Variants in TDRD5 observed in about 807,000 individuals in gnomAD.
The protein encoded by TDRD5 is tudor domain-containing protein 5.
Under a neutral mutation model 120.6 loss-of-function variants are expected in TDRD5, and 41 were observed. The observed-to-expected ratio is 0.34, with a 90% CI of 0.26 to 0.44. The LOEUF (loss-of-function observed/expected upper bound fraction) is 0.44, where lower values mean the gene tolerates loss of function less well. TDRD5 is among the 20% of genes least tolerant of loss of function. TDRD5 has a pLI of 1.00. For missense variants in TDRD5, 1,006 were observed against 1,221.2 expected (o/e 0.82, Z 2.63); for synonymous variants, 430 against 433.7 (o/e 0.99, Z 0.11).
chr1:179,642,029 C>T (rs1678075831), intron 11 of TDRD5, among the ~76,000 whole-genome samples: 1 of 152,066 alleles, frequency 6.6e-6, no homozygotes, highest in South Asian at 2.1e-4. Flanking sequence ...GTGTTCATTA[C>T]TTTCATATCA....
rs76644806 is a variant in TDRD5, at chr1:179,592,019, C to T, written c.-121C>T. The T allele has an allele frequency of 0.24, 37,179 of 152,490 alleles. 5,101 individuals are homozygous for T. The highest frequency in any genetic ancestry group is 0.36 in the East Asian group (1,862 of 5,144). 9.4% of individuals were successfully genotyped at this position (152,490 alleles called of 1,614,324 possible). A position where few individuals can be genotyped will look rare whatever the true frequency, so the allele number is the denominator to read the frequency against. ...TGGCGCCTCCTGCCTTCCTTTCCAC[C>T]TCAGGTTGCAGAGAGCCGCCAGGGC... On this transcript the variant is annotated 5_prime_UTR_variant, in exon 1 of 18. Coordinates refer to ENST00000444136, the MANE Select transcript of TDRD5 (RefSeq NM_001199085.3).
At chr1:179,618,549 T>G (rs562225361) in intron 4 of TDRD5, 50 bp from the exon 5 acceptor site, 2 of 1,431,868 alleles carry the variant, frequency 1.4e-6, no homozygotes, top group African/African-American at 1.5e-5. Flanking sequence ...ACCTTTGACT[T>G]TCTTTGGTCA....
At chr1:179,614,853 T>G (rs1282157630) in intron 4 of TDRD5, among the ~76,000 whole-genome samples, 3 of 152,204 alleles carry the variant, frequency 2.0e-5, no homozygotes, top group Non-Finnish European at 4.4e-5. Context: ...TCAAGCTGTT[T>G]GACATGTATT....
intron 12 of TDRD5, among the ~76,000 whole-genome samples, chr1:179,651,411 C>T (rs1678705446): frequency 6.6e-6 from 1 of 151,888 alleles, no homozygotes; most frequent in South Asian, 2.1e-4. Context: ...TGCAGTGAGC[C>T]GAGATGGTGC....
chr1:179,597,933 C>T (rs991025036), intron 4 of TDRD5, among the ~76,000 whole-genome samples: 1 of 152,084 alleles, frequency 6.6e-6, no homozygotes, highest in Non-Finnish European at 1.5e-5. Context: ...ATTCCTGTAG[C>T]TTTATAATAT....
intron 4 of TDRD5, among the ~76,000 whole-genome samples, chr1:179,598,034 A>C (rs983773342): frequency 1.3e-5 from 2 of 152,222 alleles, no homozygotes; most frequent in African/African-American, 4.8e-5. Context: ...TCATCATAGA[A>C]TGCAGTTACA....
chr1:179,617,906 A>G (rs1163448348), intron 4 of TDRD5, among the ~76,000 whole-genome samples: 1 of 151,996 alleles, frequency 6.6e-6, no homozygotes, highest in Non-Finnish European at 1.5e-5. Flanking sequence ...TCCTGTCCTG[A>G]CTTCCTACCT....
At chr1:179,628,305 A>ATTTCT (rs201909440) in intron 6 of TDRD5, among the ~76,000 whole-genome samples, 42 of 108,388 alleles carry the variant, frequency 3.9e-4, no homozygotes, top group African/African-American at 1.3e-3. Context: ...CAATTTATTT[A>ATTTCT]TTTCTTTTCT....
At chr1:179,622,024 A>G (rs1676870248) in intron 6 of TDRD5, among the ~76,000 whole-genome samples, 2 of 152,200 alleles carry the variant, frequency 1.3e-5, no homozygotes, top group South Asian at 4.1e-4. Context: ...AATTGTTAAG[A>G]TATATAATTC....
intron 12 of TDRD5, among the ~76,000 whole-genome samples, chr1:179,651,416 T>C (rs1678705743): frequency 6.6e-6 from 1 of 152,086 alleles, no homozygotes; most frequent in Non-Finnish European, 1.5e-5. Flanking sequence ...TGAGCCGAGA[T>C]GGTGCTACTG....
intron 6 of TDRD5, among the ~76,000 whole-genome samples, chr1:179,624,474 C>T (rs4454502): frequency 7.9e-5 from 12 of 152,082 alleles, no homozygotes; most frequent in South Asian, 4.1e-4. Flanking sequence ...AAAGAAAAAA[C>T]GTAAAACTTT....
In TDRD5 at chr1:179,592,672, C is replaced by A. The variant is rs754861298; in HGVS notation, c.57C>A (p.Leu19=). 3 of 1,614,104 alleles carry A rather than the reference C, an allele frequency of 1.9e-6. No individual in the cohort carries two copies. Among genetic ancestry groups the A allele is most frequent in the East Asian group, 2.2e-5 (1 of 44,870 alleles). The change falls in exon 2 of 18, where the codon CTC becomes CTA. Residue 19 remains leucine, a synonymous_variant. Transcript: ENST00000444136. ...ECLRKEIRSL[L]ISTKDGLSPQ... ...TGCGGAAGGAAATAAGGTCACTTCT[C>A]ATTTCCACCAAAGATGGTTTGAGCC... is the stretch of plus-strand genomic sequence containing the variant.
chr1:179,632,712 A>G (rs1268238056), intron 7 of TDRD5, among the ~76,000 whole-genome samples: 4 of 152,196 alleles, frequency 2.6e-5, no homozygotes, highest in East Asian at 1.9e-4. Flanking sequence ...GACCTCTTCT[A>G]TATGGTATAG....
intron 17 of TDRD5, among the ~76,000 whole-genome samples, chr1:179,681,257 T>C (rs72706773): frequency 0.048 from 7,184 of 149,270 alleles, 261 homozygotes; most frequent in Non-Finnish European, 0.071. Context: ...TTTTAAAAAA[T>C]TTTTGTACAG....
chr1:179,611,899 GA>G (rs1676298440), intron 4 of TDRD5, among the ~76,000 whole-genome samples: 1 of 152,168 alleles, frequency 6.6e-6, no homozygotes, highest in Non-Finnish European at 1.5e-5. Context: ...CTTGTTCTGA[GA>G]GGGGGTGTGG....
Position 179,654,342 on chromosome 1 carries a change from G to C in TDRD5, c.2302G>C (p.Asp768His). The change falls in exon 14 of 18, where the codon GAT becomes CAT. Residue 768 changes from aspartate to histidine, a missense_variant. Physicochemically the swap from Asp to His is moderately conservative, Grantham distance 81. This residue lies in a region of TDRD5 where 403 missense variants were observed against 448.1 expected (regional missense o/e 0.90). Transcript: ENST00000444136. ...AAAGTGGTCCAACCCAGAACCAAAC[G>C]ATCTGAAGGAAGAAAATGAGGTAGG... is the stretch of plus-strand genomic sequence containing the variant. ...DPKWSNPEPN[D>H]LKEENEDEIP... 3 of 1,532,544 alleles carry C rather than the reference G, an allele frequency of 2.0e-6. No homozygotes were observed. The highest frequency in any genetic ancestry group is 2.6e-6 in the Non-Finnish European group (3 of 1,139,018). The allele number at this position is 1,532,544 out of a possible 1,614,324, so 94.9% of individuals were successfully genotyped here.
intron 4 of TDRD5, among the ~76,000 whole-genome samples, chr1:179,605,180 T>C (rs1005332268): frequency 2.0e-5 from 3 of 152,202 alleles, no homozygotes; most frequent in South Asian, 4.1e-4. Context: ...TTGTCTGATA[T>C]AAGAATACTT....
Position 179,690,753 on chromosome 1 carries a change from C to A in TDRD5, c.2918C>A (p.Thr973Lys). Residue 973 changes from threonine (T) to lysine (K), a missense_variant, in exon 18 of 18, where the codon ACA (threonine) becomes AAA (lysine). Coordinates refer to ENST00000444136, the MANE Select transcript of TDRD5 (RefSeq NM_001199085.3). ...NEDFSSSRAITLYKDKRQESV... is the reference protein window; with the variant it reads ...NEDFSSSRAIKLYKDKRQESV... ...GATTTTTCTAGCAGCCGTGCTATTA[C>A]ATTGTACAAAGACAAGCGTCAAGAA... 1 of 1,614,230 alleles carries A rather than the reference C, an allele frequency of 6.2e-7. No homozygotes were observed. The highest frequency in any genetic ancestry group is 8.5e-7 in the Non-Finnish European group (1 of 1,180,046).
chr1:179,668,979 C>T (rs1354472793), intron 16 of TDRD5, among the ~76,000 whole-genome samples: 3 of 151,814 alleles, frequency 2.0e-5, no homozygotes, highest in Non-Finnish European at 2.9e-5. Flanking sequence ...CTCCTGACCT[C>T]GTGATCCGCC....
Sources: gnomAD v4.1 joint callset for allele counts (sites outside exome capture counted in the v4.1 genomes callset) on GRCh38, gnomAD v4.1.1 for gene constraint, gnomAD v4.1.1 regional missense constraint, MANE v1.5 for transcripts, NCBI Gene and HGNC (gene_info 2026-07-23, HGNC 2026-07-21) for gene names.